Variants in HAUS7 observed in about 807,000 individuals in gnomAD.
HAUS7 encodes HAUS augmin like complex subunit 7.
HAUS7 carries 3 observed loss-of-function variants against 28.4 expected under a neutral mutation model. That is an observed-to-expected ratio of 0.11 (90% CI 0.05 to 0.27). The LOEUF is 0.27. HAUS7 is among the 10% of genes least tolerant of loss of function. The pLI, the probability that HAUS7 is intolerant of heterozygous loss-of-function variation, is 1.00. For synonymous variants in HAUS7, 165 were observed against 132.1 expected (o/e 1.25, Z -1.71); for missense variants, 284 against 297.3 (o/e 0.96, Z 0.33).
intron 3 of HAUS7, 67 bp downstream of exon 3, chrX:153,464,920 TG>T (rs2089437360): frequency 2.0e-5 from 15 of 753,019 alleles, no homozygotes; most frequent in Non-Finnish European, 2.9e-5. Context: ...GTTGGTCCAA[TG>T]GAACATGCAC....
intron 9 of HAUS7, among the ~76,000 whole-genome samples, chrX:153,453,821 CTTT>C (rs11350425): frequency 2.0e-5 from 2 of 97,571 alleles, no homozygotes; most frequent in Admixed American, 1.1e-4. Context: ...CCTTAAGTAA[CTTT>C]TTTTTTTTTT....
intron 9 of HAUS7, among the ~76,000 whole-genome samples, chrX:153,453,658 G>A (rs188146060): frequency 9.1e-6 from 1 of 110,113 alleles, no homozygotes; most frequent in East Asian, 2.8e-4. Flanking sequence ...TGATGGTATT[G>A]CAGATCAATG....
At chrX:153,455,374 C>A in intron 8 of HAUS7, 168 bp downstream of exon 8, 1 of 450,074 alleles carries the variant, frequency 2.2e-6, no homozygotes, top group Admixed American at 4.0e-5. Context: ...AGCCCTGCCA[C>A]GCCACTGGCC....
intron 9 of HAUS7, among the ~76,000 whole-genome samples, 183 bp downstream of exon 9, chrX:153,454,211 G>C (rs1556981505): frequency 8.9e-6 from 1 of 112,477 alleles, no homozygotes; most frequent in African/African-American, 3.2e-5. Context: ...TTTCTACGAT[G>C]AGCGTTTTCA....
upstream of HAUS7, among the ~76,000 whole-genome samples, chrX:153,473,819 TCTC>T (rs1269468619): frequency 9.0e-6 from 1 of 111,105 alleles, no homozygotes; most frequent in Non-Finnish European, 1.9e-5. Flanking sequence ...CCCTCTTCCT[TCTC>T]CTCATCTCCT....
At chrX:153,455,254 G>A in intron 8 of HAUS7, 2 of 439,820 alleles carry the variant, frequency 4.5e-6, no homozygotes, top group Non-Finnish European at 8.0e-6. Context: ...AGCACCTGGA[G>A]GCTGGGACAC....
chrX:153,452,538 G>A (rs2089252677), intron 9 of HAUS7, among the ~76,000 whole-genome samples: 1 of 112,098 alleles, frequency 8.9e-6, no homozygotes, highest in African/African-American at 3.3e-5. Context: ...GAACCAACAA[G>A]GGAATTAAAA....
At chrX:153,479,805 G>C (rs1018928845) in intron 1 of HAUS7, among the ~76,000 whole-genome samples, 2 of 111,592 alleles carry the variant, frequency 1.8e-5, no homozygotes, top group African/African-American at 6.5e-5. Flanking sequence ...CTTGGGGGTA[G>C]GGCGGGAGGG....
In HAUS7 at chrX:153,456,314, G is replaced by A. The variant is rs2124086985; in HGVS notation, c.656C>T (p.Ala219Val). The A allele has an allele frequency of 8.3e-7, 1 of 1,211,257 alleles. No individual in the cohort carries two copies. The highest frequency in any genetic ancestry group is 1.1e-6 in the Non-Finnish European group (1 of 894,889). ...GGCAGCACTCTCCTGCAGCTGCCTG[G>A]CAAGCTCCGCCAGCTTCTCCTCCTC... ...SEEEEKLAEL[A>V]RQLQESAAKL... The change falls in exon 7 of 10, where the codon GCC becomes GTC. Residue 219 changes from alanine to valine, a missense_variant. Physicochemically the swap from Ala to Val is moderately conservative, Grantham distance 64. Transcript: ENST00000370211.
Position 153,492,525 on chromosome X carries a change from G to A in HAUS7, c.-589+2849C>T, listed in dbSNP as rs781973733. On this transcript the variant is annotated intron_variant, in intron 1 of 5. Transcript: ENST00000370210. ...CAAAAACCTTCCAGGTACAAGGACC[G>A]TATTTATATGAGTATTGCCCCCAGA... 8.0e-5 allele frequency among the ~76,000 whole-genome samples: 9 copies of A among 112,251 alleles called. No homozygotes were observed. In the East Asian group the frequency reaches 2.0e-3, roughly 25 times the overall value.
chrX:153,481,698 G>A, intron 1 of HAUS7: 1 of 746,623 alleles, frequency 1.3e-6, no homozygotes, highest in Non-Finnish European at 1.6e-6. Context: ...GGGTGAGAAG[G>A]CTGAGACCTG....
At chrX:153,484,911 G>C (rs1398929960) in intron 1 of HAUS7, among the ~76,000 whole-genome samples, 2 of 112,865 alleles carry the variant, frequency 1.8e-5, no homozygotes, top group African/African-American at 6.4e-5. Context: ...AGAGGCACAG[G>C]AGCAGCCCAA....
At chrX:153,452,284 G>A (rs186333681) in intron 9 of HAUS7, among the ~76,000 whole-genome samples, 1 of 112,338 alleles carries the variant, frequency 8.9e-6, no homozygotes, top group Admixed American at 9.4e-5. Flanking sequence ...CTCCGGGATG[G>A]CATGGAAGGA....
At chrX:153,486,960 C>G (rs2089642907) in intron 1 of HAUS7, 1 of 435,753 alleles carries the variant, frequency 2.3e-6, no homozygotes, top group African/African-American at 2.6e-5. Flanking sequence ...ACTGGTGAGG[C>G]CGCTTCACTT....
upstream of HAUS7, among the ~76,000 whole-genome samples, chrX:153,472,293 C>T (rs2089530773): frequency 3.6e-5 from 4 of 112,069 alleles, no homozygotes; most frequent in Admixed American, 3.8e-4. Context: ...CCTTGAGAGG[C>T]GAAGATCATC....
chrX:153,471,467 C>G (rs1308630068), upstream of HAUS7, among the ~76,000 whole-genome samples: 1 of 112,631 alleles, frequency 8.9e-6, no homozygotes, highest in Non-Finnish European at 1.9e-5. Flanking sequence ...GACCCTCAAA[C>G]TCAATGCGTC....
chrX:153,492,762 C>G (rs1197615507), intron 1 of HAUS7, among the ~76,000 whole-genome samples: 3 of 111,560 alleles, frequency 2.7e-5, no homozygotes, highest in African/African-American at 9.8e-5. Flanking sequence ...TTCCTTCCAC[C>G]GGCAACTTCC....
intron 1 of HAUS7, among the ~76,000 whole-genome samples, chrX:153,479,688 G>A (rs1382627545): frequency 8.9e-6 from 1 of 112,173 alleles, no homozygotes; most frequent in Non-Finnish European, 1.9e-5. Flanking sequence ...GGTGAAGTGG[G>A]GTTGCTGGCA....
intron 1 of HAUS7, among the ~76,000 whole-genome samples, chrX:153,487,913 G>T (rs1194139199): frequency 1.8e-5 from 2 of 112,968 alleles, no homozygotes; most frequent in South Asian, 3.6e-4. Context: ...CCGTTGGCCT[G>T]CCTGAGTGAG....
Sources: gnomAD v4.1 joint callset for allele counts (sites outside exome capture counted in the v4.1 genomes callset) on GRCh38, gnomAD v4.1.1 for gene constraint, MANE v1.5 for transcripts, NCBI Gene and HGNC (gene_info 2026-07-23, HGNC 2026-07-21) for gene names.